Variants in SPNS3 observed in about 807,000 individuals in gnomAD.
The protein encoded by SPNS3 is SPNS lysolipid transporter 3, sphingosine-1-phosphate (putative), also known as protein spinster homolog 3.
SPNS3 carries 51 observed loss-of-function variants against 54.4 expected under a neutral mutation model. The ratio of observed to expected loss-of-function variants is 0.94; its 90% CI spans 0.75 to 1.18. The LOEUF (loss-of-function observed/expected upper bound fraction) is 1.18. Ranked by LOEUF, SPNS3 falls within the 50% of genes most tolerant of loss-of-function variation. The pLI, the probability that SPNS3 is intolerant of heterozygous loss-of-function variation, is 0.00. For missense variants in SPNS3, 669 were observed against 677.4 expected (o/e 0.99, Z 0.14); for synonymous variants, 309 against 294.7 (o/e 1.05, Z -0.50).
At chr17:4,452,763 G>A (rs1175345095) in intron 7 of SPNS3, among the ~76,000 whole-genome samples, 2 of 151,938 alleles carry the variant, frequency 1.3e-5, no homozygotes, top group African/African-American at 4.8e-5. Flanking sequence ...ATGGCCAGTG[G>A]GATCCCCAGG....
chr17:4,450,997 G>C (rs1031580216), intron 7 of SPNS3, among the ~76,000 whole-genome samples: 1 of 151,968 alleles, frequency 6.6e-6, no homozygotes, highest in Non-Finnish European at 1.5e-5. Context: ...TGAAGGGCTT[G>C]GTAGCTGGGG....
At chr17:4,476,502 G>A (rs570794871) in intron 8 of SPNS3, among the ~76,000 whole-genome samples, 1 of 152,204 alleles carries the variant, frequency 6.6e-6, no homozygotes, top group Non-Finnish European at 1.5e-5. Context: ...GCAGACGCTG[G>A]CAATGTGAAG....
intron 2 of SPNS3, among the ~76,000 whole-genome samples, chr17:4,440,891 AG>A (rs1351540958): frequency 1.3e-5 from 2 of 152,244 alleles, no homozygotes; most frequent in African/African-American, 4.8e-5. Flanking sequence ...TCTACAAATT[AG>A]AATTCAAAGT....
chr17:4,447,595 A>G (rs1971033016), intron 5 of SPNS3, among the ~76,000 whole-genome samples: 1 of 151,966 alleles, frequency 6.6e-6, no homozygotes, highest in Non-Finnish European at 1.5e-5. Context: ...CTGAAGCCAG[A>G]TTTGGAATTT....
chr17:4,446,439 G>A (rs1019308024), intron 4 of SPNS3, among the ~76,000 whole-genome samples: 18 of 152,304 alleles, frequency 1.2e-4, no homozygotes, highest in Middle Eastern at 3.4e-3. Flanking sequence ...AGGATGTGCC[G>A]TATAGATTCA....
intron 1 of SPNS3, among the ~76,000 whole-genome samples, chr17:4,438,278 C>G (rs1970764497): frequency 6.6e-6 from 1 of 152,200 alleles, no homozygotes; most frequent in Non-Finnish European, 1.5e-5. Context: ...TGAGCCCCAG[C>G]TCCCCCAGCT....
At chr17:4,473,800 G>A (rs8078744) in intron 8 of SPNS3, among the ~76,000 whole-genome samples, 88,550 of 151,974 alleles carry the variant, frequency 0.58, 26,114 homozygotes, top group Admixed American at 0.66. Context: ...CAGCCAGGAC[G>A]TGGTCCACCA....
intron 8 of SPNS3, among the ~76,000 whole-genome samples, chr17:4,470,067 A>C (rs1971815573): frequency 6.6e-6 from 1 of 152,162 alleles, no homozygotes; most frequent in African/African-American, 2.4e-5. Flanking sequence ...ATGGTTAGGT[A>C]AAAATAGTTT....
chr17:4,452,799 G>A (rs371342758), intron 7 of SPNS3, among the ~76,000 whole-genome samples: 1 of 152,096 alleles, frequency 6.6e-6, no homozygotes, highest in Non-Finnish European at 1.5e-5. Context: ...AGGCAGGAAA[G>A]GGGGTAGGGG....
chr17:4,461,719 T>C (rs1971512211), intron 8 of SPNS3, among the ~76,000 whole-genome samples: 1 of 152,114 alleles, frequency 6.6e-6, no homozygotes, highest in Non-Finnish European at 1.5e-5. Context: ...AGGAGGGGTA[T>C]GAAAGAAGAG....
intron 8 of SPNS3, among the ~76,000 whole-genome samples, chr17:4,457,256 G>A (rs1311631939): frequency 6.6e-6 from 1 of 152,198 alleles, no homozygotes; most frequent in Non-Finnish European, 1.5e-5. Context: ...GTTGGACATG[G>A]TGGCACATGC....
chr17:4,445,924 TC>T (rs368339298), intron 3 of SPNS3, 123 bp from the exon 4 acceptor site: 77 of 1,149,138 alleles, frequency 6.7e-5, no homozygotes, highest in East Asian at 5.6e-4. Context: ...GTAGCCCCGA[TC>T]CCCTCTCCCT....
chr17:4,437,414 A>AG (rs1970741103), intron 1 of SPNS3, among the ~76,000 whole-genome samples: 2 of 152,188 alleles, frequency 1.3e-5, no homozygotes, highest in Non-Finnish European at 2.9e-5. Context: ...AAATAATAAA[A>AG]GGGGGACTTT....
At chr17:4,466,223 G>A (rs924997102) in intron 8 of SPNS3, among the ~76,000 whole-genome samples, 2 of 152,226 alleles carry the variant, frequency 1.3e-5, no homozygotes, top group African/African-American at 4.8e-5. Flanking sequence ...AAAAGTATGT[G>A]TGTGTAATAC....
chr17:4,435,370 C>T (rs1229965386), intron 1 of SPNS3, among the ~76,000 whole-genome samples: 13 of 148,706 alleles, frequency 8.7e-5, no homozygotes, highest in African/African-American at 2.2e-4. Flanking sequence ...TGCAGTGAGC[C>T]GAGATCCCAC....
intron 8 of SPNS3, among the ~76,000 whole-genome samples, chr17:4,473,597 A>G (rs894836195): frequency 6.6e-6 from 1 of 152,062 alleles, no homozygotes; most frequent in Non-Finnish European, 1.5e-5. Flanking sequence ...CATGTTGGCC[A>G]GGCTGGTCTC....
chr17:4,479,103 C>T (rs982237960), intron 9 of SPNS3, among the ~76,000 whole-genome samples: 19 of 151,930 alleles, frequency 1.3e-4, no homozygotes, highest in African/African-American at 4.1e-4. Flanking sequence ...CCACCATGCC[C>T]GGCTAATTTT....
intron 8 of SPNS3, among the ~76,000 whole-genome samples, chr17:4,461,558 G>A (rs944761056): frequency 6.6e-6 from 1 of 151,862 alleles, no homozygotes; most frequent in Non-Finnish European, 1.5e-5. Flanking sequence ...GGGGGCAAGG[G>A]CAGAAGCAGA....
chr17:4,434,283 T>G, intron 1 of SPNS3, 117 bp downstream of exon 1: 1 of 989,466 alleles, frequency 1.0e-6, no homozygotes, highest in Non-Finnish European at 1.5e-6. Context: ...GGCCCATCTC[T>G]GGTGTTCTCA....
Sources: allele counts gnomAD v4.1 joint callset (sites outside exome capture counted in the v4.1 genomes callset), GRCh38; gene constraint gnomAD v4.1.1; transcripts MANE v1.5; gene names NCBI Gene and HGNC (gene_info 2026-07-23, HGNC 2026-07-21).